Variants in G2E3 observed in about 807,000 individuals in gnomAD.
G2E3 encodes G2/M phase-specific E3 ubiquitin-protein ligase.
A neutral mutation model predicts 92.8 loss-of-function variants in G2E3; 35 were observed. The ratio of observed to expected loss-of-function variants is 0.38; its 90% CI spans 0.29 to 0.50. G2E3 has a LOEUF of 0.50. G2E3 is among the 20% of genes least tolerant of loss of function. G2E3 has a pLI of 0.94. For missense variants in G2E3, 554 were observed against 823.8 expected, an observed-to-expected ratio of 0.67 and a Z score of 4.01; for synonymous variants, 242 against 272.4, an observed-to-expected ratio of 0.89 and a Z score of 1.10.
intron 13 of G2E3, among the ~76,000 whole-genome samples, chr14:30,614,241 CAT>C (rs1491130072): frequency 4.0e-5 from 6 of 148,722 alleles, no homozygotes; most frequent in South Asian, 2.1e-4. Flanking sequence ...AACAGATAAA[CAT>C]GTGTGTTCTT....
intron 1 of G2E3, among the ~76,000 whole-genome samples, chr14:30,567,558 C>T (rs1238338932): frequency 6.6e-6 from 1 of 151,906 alleles, no homozygotes; most frequent in Non-Finnish European, 1.5e-5. Flanking sequence ...TCTGGGTCAT[C>T]TAACTAAACG....
chr14:30,614,714 G>C (rs1594516383), intron 13 of G2E3, among the ~76,000 whole-genome samples: 2 of 152,190 alleles, frequency 1.3e-5, no homozygotes, highest in East Asian at 3.8e-4. Context: ...AATTTAGAAA[G>C]TCAGGCAAAA....
chr14:30,599,853 T>A (rs1334856441), intron 8 of G2E3, among the ~76,000 whole-genome samples: 1 of 152,186 alleles, frequency 6.6e-6, no homozygotes, highest in Non-Finnish European at 1.5e-5. Flanking sequence ...GACAGCACTG[T>A]TCTAGAGGGT....
intron 1 of G2E3, chr14:30,574,624 GTTCAT>G: frequency 6.6e-6 from 1 of 152,122 alleles, no homozygotes; most frequent in Non-Finnish European, 1.5e-5. Flanking sequence ...CCTTCTTTGT[GTTCAT>G]GAGTTCTTAT....
At chr14:30,614,608 G>A (rs569666745) in intron 13 of G2E3, among the ~76,000 whole-genome samples, 53 of 152,272 alleles carry the variant, frequency 3.5e-4, no homozygotes, top group Admixed American at 9.2e-4. Context: ...CATGAGTTTC[G>A]AAGGAACTCA....
intron 2 of G2E3, among the ~76,000 whole-genome samples, chr14:30,581,570 C>T (rs1188774030): frequency 3.9e-5 from 6 of 152,180 alleles, no homozygotes; most frequent in South Asian, 4.1e-4. Flanking sequence ...AGCCAGGAGG[C>T]GCATGCCTGT....
chr14:30,559,945 G>A (rs1289068105), intron 1 of G2E3: 1 of 152,162 alleles, frequency 6.6e-6, no homozygotes, highest in Non-Finnish European at 1.5e-5. Context: ...CAGCGGTGGT[G>A]ATTAACTAGG....
In G2E3 at chr14:30,592,549, A is replaced by G. The variant is rs955802612; in HGVS notation, c.362+102A>G. 10 of 886,822 alleles carry G rather than the reference A, an allele frequency of 1.1e-5. No individual in the cohort carries two copies. The Admixed American group carries it at 3.0e-4, about 26-fold the overall frequency. The allele number at this position is 886,822 out of a possible 1,614,324, so 54.9% of individuals were successfully genotyped here. ...CTACAATAAATTTTCTGTTTAGAGC[A>G]TCAGAGTTTAGATATAACATTATAT... On this transcript the variant is annotated intron_variant, in intron 5 of 14. Coordinates refer to ENST00000206595, the MANE Select transcript of G2E3 (RefSeq NM_017769.5).
At chr14:30,567,995 GT>G (rs1879540980) in intron 1 of G2E3, among the ~76,000 whole-genome samples, 1 of 152,044 alleles carries the variant, frequency 6.6e-6, no homozygotes, top group Non-Finnish European at 1.5e-5. Flanking sequence ...TGAGAAGAAT[GT>G]TTCATTCTGT....
At chr14:30,562,250 G>T (rs927889298) in intron 1 of G2E3, among the ~76,000 whole-genome samples, 1 of 152,066 alleles carries the variant, frequency 6.6e-6, no homozygotes, top group Non-Finnish European at 1.5e-5. Context: ...AATAAAATAA[G>T]AATAGTTATA....
At chr14:30,564,494 G>A (rs1879313482) in intron 1 of G2E3, among the ~76,000 whole-genome samples, 2 of 152,006 alleles carry the variant, frequency 1.3e-5, no homozygotes, top group Non-Finnish European at 2.9e-5. Context: ...CACCAAGACT[G>A]GCTAATTAAA....
At chr14:30,587,235 G>A (rs1400249262) in intron 3 of G2E3, among the ~76,000 whole-genome samples, 1 of 152,088 alleles carries the variant, frequency 6.6e-6, no homozygotes, top group Non-Finnish European at 1.5e-5. Context: ...AAACGTCTTG[G>A]CTAAAGGTGA....
chr14:30,571,429 A>G lies in G2E3; in HGVS notation c.-4-9647A>G, dbSNP rs187412579. ...GTTTTGCCTTTTTCTTTGCTTAACTATGTTTTTTTGATTAGAAAGTTCTTA... is the reference window on the plus strand; with the variant it reads ...GTTTTGCCTTTTTCTTTGCTTAACTGTGTTTTTTTGATTAGAAAGTTCTTA... On this transcript the variant is annotated intron_variant, in intron 1 of 14. Transcript: ENST00000206595. 7.2e-5 allele frequency among the ~76,000 whole-genome samples: 11 copies of G among 151,780 alleles called. No individual in the cohort carries two copies. The East Asian group carries it at 9.7e-4, about 13-fold the overall frequency.
At position 30,618,484 on chromosome 14, in the gene G2E3, G is replaced by A. The variant is rs1199135431; in HGVS notation, c.*1950G>A. On this transcript the variant is annotated 3_prime_UTR_variant, in exon 15 of 15. Coordinates refer to ENST00000206595, the MANE Select transcript of G2E3 (RefSeq NM_017769.5). ...TTCCCCTAGGGTAGAAATTAAAGCTGATTAAGTCACACACACATACTTTGT... is the reference window on the plus strand; with the variant it reads ...TTCCCCTAGGGTAGAAATTAAAGCTAATTAAGTCACACACACATACTTTGT... 4.6e-5 allele frequency: 7 copies of A among 152,178 alleles called. No individual in the cohort carries two copies. The East Asian group carries it at 1.4e-3, about 29-fold the overall frequency. 9.4% of individuals were successfully genotyped at this position (152,178 alleles called of 1,614,324 possible).
Position 30,595,471 on chromosome 14 carries a change from T to A in G2E3, c.528+1832T>A, listed in dbSNP as rs1057281762. ...ACTTGACCTAGTATCATTAAGGCCT[T>A]TTGTGAACACTCTGAAAATACTGAG... On this transcript the variant is annotated intron_variant, in intron 6 of 14. Coordinates refer to ENST00000206595, the MANE Select transcript of G2E3 (RefSeq NM_017769.5). Among the ~76,000 whole-genome samples, 17 of 152,166 alleles carry A rather than the reference T, an allele frequency of 1.1e-4. 1 individual carries two copies. Among genetic ancestry groups the A allele is most frequent in the African/African-American group, 1.9e-4 (8 of 41,438 alleles).
intron 8 of G2E3, among the ~76,000 whole-genome samples, chr14:30,599,189 C>A (rs1004524428): frequency 6.6e-6 from 1 of 151,736 alleles, no homozygotes; most frequent in Non-Finnish European, 1.5e-5. Flanking sequence ...TGGTTTAGGG[C>A]CCACCTATCT....
chr14:30,607,721 GTC>G (rs1373573282), intron 11 of G2E3, among the ~76,000 whole-genome samples, 165 bp from the exon 12 acceptor site: 2 of 152,116 alleles, frequency 1.3e-5, no homozygotes, highest in South Asian at 4.2e-4. Flanking sequence ...AGAAAAATGT[GTC>G]TTTTTTTATA....
intron 4 of G2E3, among the ~76,000 whole-genome samples, chr14:30,591,998 T>A (rs772515109): frequency 6.6e-6 from 1 of 152,170 alleles, no homozygotes; most frequent in Non-Finnish European, 1.5e-5. Flanking sequence ...CAATGAGGTG[T>A]TTATGTATAT....
intron 1 of G2E3, among the ~76,000 whole-genome samples, chr14:30,576,991 C>T (rs1193055304): frequency 6.6e-6 from 1 of 152,016 alleles, no homozygotes; most frequent in Non-Finnish European, 1.5e-5. Context: ...CTTTGGGAGG[C>T]AGAGGCAGGC....
Sources: gnomAD v4.1 joint callset for allele counts (sites outside exome capture counted in the v4.1 genomes callset) on GRCh38, gnomAD v4.1.1 for gene constraint, MANE v1.5 for transcripts, NCBI Gene and HGNC (gene_info 2026-07-23, HGNC 2026-07-21) for gene names.